Variants in SCGB2B2 observed in about 807,000 individuals in gnomAD.
SCGB2B2 encodes the protein secretoglobin-like protein.
SCGB2B2 carries 11 observed loss-of-function variants against 7.6 expected under a neutral mutation model. The ratio of observed to expected loss-of-function variants is 1.45; its 90% CI spans 0.91 to 2.40. The LOEUF (loss-of-function observed/expected upper bound fraction) is 2.40. SCGB2B2 is among the 30% of genes most tolerant of loss of function. The pLI is 0.00. For synonymous variants in SCGB2B2, 50 were observed against 48.6 expected (o/e 1.03, Z -0.12); for missense variants, 104 against 115.4 (o/e 0.90, Z 0.45).
intron 1 of SCGB2B2, among the ~76,000 whole-genome samples, chr19:34,644,915 CT>C (rs200547903): frequency 0.02 from 3,048 of 152,254 alleles, 88 homozygotes; most frequent in South Asian, 0.13. Context: ...GTGTGAGGGG[CT>C]TTATATAAAC....
intron 1 of SCGB2B2, among the ~76,000 whole-genome samples, chr19:34,644,294 A>G (rs2066926151): frequency 6.6e-6 from 1 of 151,742 alleles, no homozygotes; most frequent in Non-Finnish European, 1.5e-5. Flanking sequence ...TCAGCCTCCC[A>G]AAGCACTGGG....
chr19:34,656,842 A>G (rs1339578402), intron 1 of SCGB2B2, among the ~76,000 whole-genome samples: 8 of 151,316 alleles, frequency 5.3e-5, no homozygotes, highest in Admixed American at 6.6e-5. Context: ...AATGCTATCA[A>G]GAGCAAAAGA....
At position 34,649,516 on chromosome 19, in the gene SCGB2B2, GA is replaced by G. The variant is rs913783011; in HGVS notation, c.-2032+26113del. On this transcript the variant is annotated intron_variant, in intron 1 of 3. Coordinates refer to ENST00000601241, the MANE Select transcript of SCGB2B2 (RefSeq NM_001025591.4). Reference sequence around the variant, plus strand: ...TTTTTTTGTGTGAATTTACTTAAAAGAAAAAAAAACTTTTTGCAATAACTAT... The same window carrying G: ...TTTTTTTGTGTGAATTTACTTAAAAGAAAAAAAACTTTTTGCAATAACTAT... Among the ~76,000 whole-genome samples the G allele has an allele frequency of 4.0e-5, 6 of 151,052 alleles. No individual in the cohort carries two copies. In the South Asian group the frequency reaches 6.3e-4, roughly 16 times the overall value.
rs3055684 is a variant in SCGB2B2, at chr19:34,594,652, CGTGTGTGTGTGT to C, written c.-101_-90del. ...TATCTGAACAAGGCACATGCCTCTT[CGTGTGTGTGTGT>C]GTGTGTGTGTGTGTGTGTGTGTGTG... On this transcript the variant is annotated 5_prime_UTR_variant, in exon 2 of 4. Transcript: ENST00000601241. The C allele has an allele frequency of 0.063, 41,451 of 656,422 alleles. 622 individuals carry two copies. The highest frequency in any genetic ancestry group is 0.12 in the African/African-American group (6,100 of 52,462). 40.7% of individuals were successfully genotyped at this position (656,422 alleles called of 1,614,324 possible).
In SCGB2B2 at chr19:34,603,206, T is replaced by A. The variant is rs564722269; in HGVS notation, c.-2031-6612A>T. 1.2e-4 allele frequency among the ~76,000 whole-genome samples: 18 copies of A among 152,312 alleles called. No homozygotes were observed. The South Asian group carries it at 2.9e-3, about 25-fold the overall frequency. ...ACAAAGAAAAAGCATGTTCAGCATT[T>A]TCAGTGTTATTGGTGGGGTGAGAGA... On this transcript the variant is annotated intron_variant, in intron 1 of 3. Transcript: ENST00000601241.
At chr19:34,657,653 G>A (rs2146111688) in intron 1 of SCGB2B2, among the ~76,000 whole-genome samples, 1 of 152,246 alleles carries the variant, frequency 6.6e-6, no homozygotes, top group East Asian at 1.9e-4. Context: ...ATAATAATGG[G>A]AGACTTTAAC....
chr19:34,655,335 A>C (rs1271617605), intron 1 of SCGB2B2, among the ~76,000 whole-genome samples: 5 of 151,296 alleles, frequency 3.3e-5, no homozygotes, highest in Admixed American at 1.3e-4. Context: ...GAAGCCTGCT[A>C]CCTGGAGGCT....
chr19:34,634,315 G>A (rs979659177), intron 1 of SCGB2B2, among the ~76,000 whole-genome samples: 6 of 152,130 alleles, frequency 3.9e-5, no homozygotes, highest in African/African-American at 1.4e-4. Context: ...GGAGTACAGA[G>A]GTCTGCCTTC....
intron 1 of SCGB2B2, among the ~76,000 whole-genome samples, chr19:34,627,450 A>G (rs1286522205): frequency 6.7e-6 from 1 of 150,226 alleles, no homozygotes; most frequent in African/African-American, 2.5e-5. Flanking sequence ...CAAAACAAAA[A>G]AGCAGGGGTT....
chr19:34,594,612 G>C lies in SCGB2B2; in HGVS notation c.-49C>G. ...GGCACAGGCAGGGAATTTGGCGATG[G>C]GTGAGCTTTATGTATATCTGAACAA... On this transcript the variant is annotated 5_prime_UTR_variant, in exon 2 of 4. Coordinates refer to ENST00000601241, the MANE Select transcript of SCGB2B2 (RefSeq NM_001025591.4). The C allele has an allele frequency of 6.7e-7, 1 of 1,494,476 alleles. No homozygotes were observed. The highest frequency in any genetic ancestry group is 9.3e-7 in the Non-Finnish European group (1 of 1,074,036). 92.6% of individuals were successfully genotyped at this position (1,494,476 alleles called of 1,614,324 possible).
intron 1 of SCGB2B2, among the ~76,000 whole-genome samples, chr19:34,632,282 A>G (rs987593570): frequency 1.3e-5 from 2 of 152,228 alleles, no homozygotes; most frequent in Non-Finnish European, 2.9e-5. Flanking sequence ...TCAACAGTAA[A>G]ATTTTCTGCT....
chr19:34,612,270 A>G (rs404355), intron 1 of SCGB2B2, among the ~76,000 whole-genome samples: 144,827 of 151,826 alleles, frequency 0.95, 69,454 homozygotes, highest in Middle Eastern at 0.99. Context: ...ATCTCCTGAC[A>G]TCGTGATCCG....
At chr19:34,670,604 A>G (rs966687612) in intron 1 of SCGB2B2, among the ~76,000 whole-genome samples, 1 of 152,134 alleles carries the variant, frequency 6.6e-6, no homozygotes, top group African/African-American at 2.4e-5. Context: ...GAGTTTTGAG[A>G]GTTCTTAATA....
chr19:34,612,048 T>C (rs2065946724), intron 1 of SCGB2B2, among the ~76,000 whole-genome samples: 1 of 63,998 alleles, frequency 1.6e-5, no homozygotes, highest in Non-Finnish European at 3.0e-5. Flanking sequence ...TTTTTTTTTT[T>C]TTTTTTTTTT....
At chr19:34,619,828 A>G (rs578180827) in intron 1 of SCGB2B2, among the ~76,000 whole-genome samples, 9 of 151,864 alleles carry the variant, frequency 5.9e-5, no homozygotes, top group African/African-American at 2.2e-4. Flanking sequence ...ACTATTCAAG[A>G]GAATTAAGGT....
chr19:34,664,929 C>A (rs2067571119), intron 1 of SCGB2B2, among the ~76,000 whole-genome samples: 1 of 149,944 alleles, frequency 6.7e-6, no homozygotes, highest in South Asian at 2.2e-4. Context: ...AACCAGAAAT[C>A]CTGCAAATGC....
At position 34,594,203 on chromosome 19, in the gene SCGB2B2, G is replaced by C. The variant is rs758456092; in HGVS notation, c.218C>G (p.Thr73Arg). 6.2e-7 allele frequency: 1 copy of C among 1,614,158 alleles called. No homozygotes were observed. Residue 73 changes from threonine to arginine, a missense_variant, in exon 3 of 4, where the codon ACA becomes AGA. Coordinates refer to ENST00000601241, the MANE Select transcript of SCGB2B2 (RefSeq NM_001025591.4). ...VQQCFANVSV[T>R]ERFAHSVVIK... The stretch of plus-strand genomic sequence containing the variant: ...AACAACTGAATGAGCAAATCTTTCT[G>C]TCACGGAGACATTGGCAAAGCATTG...
At chr19:34,672,904 T>C (rs998523455) in intron 1 of SCGB2B2, among the ~76,000 whole-genome samples, 1 of 152,138 alleles carries the variant, frequency 6.6e-6, no homozygotes, top group Non-Finnish European at 1.5e-5. Flanking sequence ...TAACTTAACA[T>C]TTCCTCAAAG....
intron 1 of SCGB2B2, among the ~76,000 whole-genome samples, chr19:34,634,461 G>T (rs563115834): frequency 2.0e-5 from 3 of 152,302 alleles, no homozygotes; most frequent in Non-Finnish European, 2.9e-5. Flanking sequence ...ACTCCTGAAA[G>T]CTTCCCACCT....
Sources: allele counts gnomAD v4.1 joint callset (sites outside exome capture counted in the v4.1 genomes callset), GRCh38; gene constraint gnomAD v4.1.1; transcripts MANE v1.5; gene names NCBI Gene and HGNC (gene_info 2026-07-23, HGNC 2026-07-21).